FOCAD: variants seen among roughly 807,000 people sequenced by gnomAD.
FOCAD encodes the protein KIAA1797.
A neutral mutation model predicts 225.6 loss-of-function variants in FOCAD; 198 were observed. That is an observed-to-expected ratio of 0.88 (90% CI 0.78 to 0.99). The LOEUF (loss-of-function observed/expected upper bound fraction) is 0.99, where lower values mean the gene tolerates loss of function less well. Ranked by LOEUF, FOCAD falls within the 50% of genes least tolerant of loss-of-function variation. FOCAD has a pLI of 0.00. For synonymous variants in FOCAD, 897 were observed against 755.0 expected (o/e 1.19, Z -3.08); for missense variants, 2,713 against 2,123.6 (o/e 1.28, Z -5.46).
At chr9:20,678,093 C>G (rs1315775164) in intron 2 of FOCAD, among the ~76,000 whole-genome samples, 1 of 152,194 alleles carries the variant, frequency 6.6e-6, no homozygotes, top group Non-Finnish European at 1.5e-5. Flanking sequence ...GGCAAATTTA[C>G]TCTCTGGTCC....
chr9:20,681,263 T>C (rs1822390524), upstream of FOCAD, among the ~76,000 whole-genome samples: 1 of 152,206 alleles, frequency 6.6e-6, no homozygotes, highest in Admixed American at 6.5e-5. Flanking sequence ...ACTTCTATTT[T>C]CTTTTTTTAA....
intron 10 of FOCAD, among the ~76,000 whole-genome samples, chr9:20,786,373 T>A (rs1248866450): frequency 6.6e-6 from 1 of 152,220 alleles, no homozygotes; most frequent in African/African-American, 2.4e-5. Context: ...GGACTGAGCA[T>A]GTTGTGTGTT....
intron 5 of FOCAD, among the ~76,000 whole-genome samples, chr9:20,749,875 A>G (rs1016047700): frequency 1.3e-5 from 2 of 152,050 alleles, no homozygotes; most frequent in African/African-American, 2.4e-5. Context: ...CATTTCTATT[A>G]GGATTGATGT....
chr9:20,935,937 C>T (rs1192732213), intron 28 of FOCAD, among the ~76,000 whole-genome samples: 1 of 152,118 alleles, frequency 6.6e-6, no homozygotes, highest in African/African-American at 2.4e-5. Context: ...ATTATTTTCT[C>T]ATTTCATTAA....
At chr9:20,884,657 A>G (rs972420873) in intron 20 of FOCAD, among the ~76,000 whole-genome samples, 6 of 152,080 alleles carry the variant, frequency 3.9e-5, no homozygotes, top group African/African-American at 1.2e-4. Context: ...CTTATATATA[A>G]ATGGTCAAAA....
intron 1 of FOCAD, among the ~76,000 whole-genome samples, chr9:20,695,854 C>T (rs534960339): frequency 6.6e-6 from 1 of 152,360 alleles, no homozygotes; most frequent in African/African-American, 2.4e-5. Flanking sequence ...TAAATCCAAT[C>T]TGCAGCTAAG....
intron 22 of FOCAD, among the ~76,000 whole-genome samples, chr9:20,912,530 T>G (rs1235909928): frequency 6.6e-6 from 1 of 152,152 alleles, no homozygotes. Flanking sequence ...TAGCTAAAAT[T>G]ATCAGTTGCT....
chr9:20,955,764 CT>C (rs1476159657), intron 35 of FOCAD, among the ~76,000 whole-genome samples: 1 of 152,042 alleles, frequency 6.6e-6, no homozygotes, highest in Admixed American at 6.6e-5. Flanking sequence ...TTCTTTTCTA[CT>C]TTTATTCTTT....
intron 1 of FOCAD, among the ~76,000 whole-genome samples, chr9:20,707,133 A>G (rs921666791): frequency 2.0e-5 from 3 of 152,228 alleles, no homozygotes; most frequent in Non-Finnish European, 4.4e-5. Context: ...TTGGTGGATA[A>G]ATAGCAGTCT....
intron 4 of FOCAD, among the ~76,000 whole-genome samples, chr9:20,732,506 A>AG (rs1826797423): frequency 6.6e-6 from 1 of 152,192 alleles, no homozygotes; most frequent in Admixed American, 6.5e-5. Flanking sequence ...GAAGCTGGAA[A>AG]GGTAGGTGGG....
At chr9:20,802,411 C>A (rs931114810) in intron 11 of FOCAD, among the ~76,000 whole-genome samples, 1 of 151,960 alleles carries the variant, frequency 6.6e-6, no homozygotes, top group African/African-American at 2.4e-5. Context: ...CTATAGTTAT[C>A]TTGAATGTAA....
intron 2 of FOCAD, among the ~76,000 whole-genome samples, chr9:20,673,048 G>A (rs1822122173): frequency 6.6e-6 from 1 of 152,196 alleles, no homozygotes; most frequent in African/African-American, 2.4e-5. Context: ...CCCATTGCTT[G>A]GAGTATGCAG....
At chr9:20,832,163 T>A (rs1454151563) in intron 15 of FOCAD, among the ~76,000 whole-genome samples, 1 of 152,104 alleles carries the variant, frequency 6.6e-6, no homozygotes, top group Non-Finnish European at 1.5e-5. Context: ...AGCTTTCATG[T>A]CAACGTATGA....
At chr9:20,659,460 A>AAG (rs1563860578) in intron 2 of FOCAD, among the ~76,000 whole-genome samples, 1 of 138,874 alleles carries the variant, frequency 7.2e-6, no homozygotes, top group Non-Finnish European at 1.5e-5. Flanking sequence ...GACAGAAAGA[A>AAG]AAAGAGGTGA....
chr9:20,806,783 T>A (rs1211549502), intron 11 of FOCAD, among the ~76,000 whole-genome samples: 1 of 152,188 alleles, frequency 6.6e-6, no homozygotes, highest in Non-Finnish European at 1.5e-5. Context: ...ATGATTATAG[T>A]GGAATTTATT....
At chr9:20,966,724 T>C (rs1274852555) in intron 35 of FOCAD, among the ~76,000 whole-genome samples, 1 of 152,108 alleles carries the variant, frequency 6.6e-6, no homozygotes, top group Non-Finnish European at 1.5e-5. Context: ...CTTCATTCTT[T>C]TGCATGTGAG....
intron 8 of FOCAD, among the ~76,000 whole-genome samples, chr9:20,773,998 G>T: frequency 6.6e-6 from 1 of 152,208 alleles, no homozygotes; most frequent in Non-Finnish European, 1.5e-5. Context: ...TCTCCTGTCA[G>T]ATCAGCCGAT....
chr9:20,860,113 G>A (rs781415562), intron 15 of FOCAD, among the ~76,000 whole-genome samples: 6 of 152,150 alleles, frequency 3.9e-5, no homozygotes, highest in East Asian at 3.9e-4. Flanking sequence ...TCATTATTTC[G>A]TGTTTTTTCA....
intron 5 of FOCAD, among the ~76,000 whole-genome samples, chr9:20,745,098 T>G (rs1262289681): frequency 6.7e-6 from 1 of 150,270 alleles, no homozygotes; most frequent in Non-Finnish European, 1.5e-5. Context: ...CACACTTATA[T>G]TTAAGTTATT....
Sources: gnomAD v4.1 joint callset for allele counts (sites outside exome capture counted in the v4.1 genomes callset) on GRCh38, gnomAD v4.1.1 for gene constraint, MANE v1.5 for transcripts, NCBI Gene and HGNC (gene_info 2026-07-23, HGNC 2026-07-21) for gene names.